PIP5K1C: variants seen among roughly 807,000 people sequenced by gnomAD.
PIP5K1C encodes the protein phosphatidylinositol-4-phosphate 5-kinase type 1 gamma.
PIP5K1C carries 45 observed loss-of-function variants against 80.1 expected under a neutral mutation model. The observed-to-expected ratio is 0.56, with a 90% confidence interval of 0.44 to 0.72. The LOEUF (loss-of-function observed/expected upper bound fraction) is 0.72. Ranked by LOEUF, PIP5K1C falls within the 30% of genes least tolerant of loss-of-function variation. PIP5K1C has a pLI of 0.00. For missense variants in PIP5K1C, 753 were observed against 954.6 expected (o/e 0.79, Z 2.78); for synonymous variants, 498 against 420.1 (o/e 1.19, Z -2.27).
intron 1 of PIP5K1C, among the ~76,000 whole-genome samples, chr19:3,693,461 A>G (rs1047475006): frequency 5.3e-5 from 8 of 152,116 alleles, no homozygotes; most frequent in Non-Finnish European, 1.2e-4. Context: ...TGTAATCCCC[A>G]TGAGTACTGG....
At chr19:3,693,708 G>T (rs1449752388) in intron 1 of PIP5K1C, among the ~76,000 whole-genome samples, 1 of 137,690 alleles carries the variant, frequency 7.3e-6, no homozygotes, top group Non-Finnish European at 1.6e-5. Flanking sequence ...CTTCCCAGGG[G>T]CTAGGGCCTC....
At chr19:3,690,008 G>A (rs979314612) in intron 1 of PIP5K1C, among the ~76,000 whole-genome samples, 2 of 152,028 alleles carry the variant, frequency 1.3e-5, no homozygotes, top group Non-Finnish European at 2.9e-5. Flanking sequence ...AGCCCCAAGT[G>A]TATGGGCCAG....
Position 3,693,725 on chromosome 19 carries a change from C to A in PIP5K1C, c.94+6572G>T, listed in dbSNP as rs566483606. ...TCCCAGGGGCTAGGGCCTCACCCAT[C>A]CCTGTCCTGCCAGGCACTCAGGACA... is the stretch of plus-strand genomic sequence containing the variant. On this transcript the variant is annotated intron_variant, in intron 1 of 17. Transcript: ENST00000335312. Among the ~76,000 whole-genome samples, 3 of 152,254 alleles carry A rather than the reference C, an allele frequency of 2.0e-5. No individual in the cohort carries two copies. The East Asian group carries it at 5.8e-4, about 29-fold the overall frequency.
chr19:3,655,920 C>G (rs564813482), intron 6 of PIP5K1C, among the ~76,000 whole-genome samples: 2 of 152,222 alleles, frequency 1.3e-5, no homozygotes, highest in African/African-American at 4.8e-5. Flanking sequence ...GTGAGTCATG[C>G]GGGATGAGGG....
In PIP5K1C at chr19:3,633,480, T is replaced by C. The variant is rs771346345; in HGVS notation, c.1961A>G (p.Tyr654Cys). The change falls in exon 17 of 18, where the codon TAT (tyrosine) becomes TGT (cysteine). Residue 654 changes from tyrosine (Y) to cysteine (C), a missense_variant. Around this residue, in one of 6 missense-constraint regions of PIP5K1C, gnomAD observed 315 missense variants for 294.5 expected, o/e 1.07. Coordinates refer to ENST00000335312, the MANE Select transcript of PIP5K1C (RefSeq NM_012398.3). Reference protein sequence around the residue: ...ERSWVYSPLHYSAQAPPASDG... With the variant: ...ERSWVYSPLHCSAQAPPASDG... Reference sequence around the variant, plus strand: ...GGAGGCCGGGGGGGCCTGGGCGCTATAGTGGAGCGGGGAGTACACCCAGCT... The same window carrying C: ...GGAGGCCGGGGGGGCCTGGGCGCTACAGTGGAGCGGGGAGTACACCCAGCT... The C allele has an allele frequency of 6.0e-6, 9 of 1,511,908 alleles. No individual in the cohort carries two copies. The highest frequency in any genetic ancestry group is 8.0e-6 in the Non-Finnish European group (9 of 1,127,304). The allele number at this position is 1,511,908 out of a possible 1,614,324, so 93.7% of individuals were successfully genotyped here.
intron 11 of PIP5K1C, 112 bp downstream of exon 11, chr19:3,645,862 G>T: frequency 1.2e-6 from 1 of 830,266 alleles, no homozygotes; most frequent in Non-Finnish European, 2.1e-6. Flanking sequence ...GGGGCTCTGA[G>T]TTTACTGCCC....
rs757796989 is a variant in PIP5K1C at position 3,643,350 on chromosome 19, A to G, written c.1542T>C (p.Pro514=). The part of the protein sequence containing the change: ...GRPDLLPCTP[P]SFEEATTASI... ...AGGCTGTAGTGGCTTCTTCGAAAGA[A>G]GGTGGCGTGCAGGGCAGGAGGTCGG... Residue 514 remains proline, a synonymous_variant, in exon 13 of 18, where the codon CCT becomes CCC. Coordinates refer to ENST00000335312, the MANE Select transcript of PIP5K1C (RefSeq NM_012398.3). 2 of 1,613,832 alleles carry G rather than the reference A, an allele frequency of 1.2e-6. No individual in the cohort carries two copies. Among genetic ancestry groups the G allele is most frequent in the African/African-American group, 2.7e-5 (2 of 75,024 alleles).
At chr19:3,689,324 G>A (rs752548929) in intron 1 of PIP5K1C, among the ~76,000 whole-genome samples, 14 of 152,300 alleles carry the variant, frequency 9.2e-5, no homozygotes, top group Non-Finnish European at 1.5e-4. Context: ...CTCAGTGTGC[G>A]CCTGAAGTGT....
rs2036111934 is a variant in PIP5K1C, at chr19:3,696,685, T to C, written c.94+3612A>G. The stretch of plus-strand genomic sequence containing the variant: ...TGCTGGAGGAACAGCAAGGGGCCCA[T>C]GGGCCTACAGCAGAGTGCAGACGGG... On this transcript the variant is annotated intron_variant, in intron 1 of 17. Transcript: ENST00000335312. The surrounding 1 kb of genome is among the most constrained non-coding windows in gnomAD (Gnocchi z 4.1). 1.8e-5 allele frequency among the ~76,000 whole-genome samples: 2 copies of C among 108,260 alleles called. No homozygotes were observed. The highest frequency in any genetic ancestry group is 2.8e-4 in the Admixed American group (2 of 7,242). The allele number at this position is 108,260 out of a possible 152,430, so 71.0% of individuals were successfully genotyped here.
intron 8 of PIP5K1C, chr19:3,650,082 C>G (rs1308661773): frequency 6.3e-6 from 1 of 159,036 alleles, no homozygotes; most frequent in African/African-American, 2.4e-5. Context: ...CCCGCACCCC[C>G]CCGCAGCTAC....
At chr19:3,643,154 C>G in intron 13 of PIP5K1C, 89 bp downstream of exon 13, 5 of 1,589,962 alleles carry the variant, frequency 3.1e-6, no homozygotes, top group Non-Finnish European at 4.3e-6. Flanking sequence ...CCCACATGCA[C>G]AGCGGATGCC....
intron 9 of PIP5K1C, among the ~76,000 whole-genome samples, chr19:3,647,883 G>A (rs936302113): frequency 4.6e-5 from 7 of 152,230 alleles, no homozygotes; most frequent in African/African-American, 1.2e-4. Context: ...GAAGGCAGAG[G>A]TTGCAGTGAG....
chr19:3,642,383 G>A (rs1327956811), intron 14 of PIP5K1C, among the ~76,000 whole-genome samples: 1 of 152,254 alleles, frequency 6.6e-6, no homozygotes, highest in Non-Finnish European at 1.5e-5. Context: ...GGGATGGAAG[G>A]ACGGCACGCA....
At chr19:3,700,033 G>A (rs185295073) in intron 1 of PIP5K1C, among the ~76,000 whole-genome samples, 58 of 152,302 alleles carry the variant, frequency 3.8e-4, no homozygotes, top group African/African-American at 1.4e-3. Flanking sequence ...GGGTCAGGCA[G>A]AACGGGGATC....
intron 1 of PIP5K1C, chr19:3,674,359 C>T (rs188743298): frequency 6.6e-6 from 1 of 152,454 alleles, no homozygotes; most frequent in Non-Finnish European, 1.5e-5. Context: ...CTCACTACAA[C>T]CTCTGCCTCT....
intron 1 of PIP5K1C, among the ~76,000 whole-genome samples, chr19:3,676,005 C>T (rs748936382): frequency 1.3e-5 from 2 of 152,186 alleles, no homozygotes; most frequent in Non-Finnish European, 2.9e-5. Flanking sequence ...CACCAGGTGC[C>T]GACCAAGCTC....
rs2034465889 is a variant in PIP5K1C, at chr19:3,651,913, G to A, written c.1040C>T (p.Pro347Leu). 6.2e-7 allele frequency: 1 copy of A among 1,612,876 alleles called. No homozygotes were observed. Among genetic ancestry groups the A allele is most frequent in the South Asian group, 1.1e-5 (1 of 91,084 alleles). ...GAQSTSDEKR[P>L]VGQKALYSTA... ...GGAGTAGAGCGCCTTCTGGCCCACAGGCCGCTTCTCATCTGAGGTGCTCTG... is the reference window on the plus strand; with the variant it reads ...GGAGTAGAGCGCCTTCTGGCCCACAAGCCGCTTCTCATCTGAGGTGCTCTG... The change falls in exon 8 of 18, where the codon CCT (proline) becomes CTT (leucine). Residue 347 changes from proline to leucine, a missense_variant. Pro to Leu is a moderately conservative substitution (Grantham distance 98). This residue lies in a region of PIP5K1C where 105 missense variants were observed against 133.4 expected (regional missense o/e 0.79). Transcript: ENST00000335312.
intron 16 of PIP5K1C, chr19:3,636,957 T>C (rs1345029380): frequency 9.9e-7 from 1 of 1,014,256 alleles, no homozygotes; most frequent in African/African-American, 1.7e-5. Flanking sequence ...CTTGAGAGCT[T>C]GGGGATCTGG....
intron 3 of PIP5K1C, among the ~76,000 whole-genome samples, chr19:3,662,286 G>C (rs1303660390): frequency 1.3e-5 from 2 of 152,210 alleles, no homozygotes; most frequent in Non-Finnish European, 2.9e-5. Context: ...GGCTAGCTAG[G>C]TTCTAAAGGT....
Sources: allele counts gnomAD v4.1 joint callset (sites outside exome capture counted in the v4.1 genomes callset), GRCh38; gene constraint gnomAD v4.1.1; regional missense constraint gnomAD v4.1.1; non-coding constraint Gnocchi (gnomAD v3.1); transcripts MANE v1.5; gene names NCBI Gene and HGNC (gene_info 2026-07-23, HGNC 2026-07-21).